The following ANKS1B variants were observed in gnomAD, a reference collection of about 807,000 sequenced individuals.
ANKS1B encodes ankyrin repeat and sterile alpha motif domain containing 1B.
In ANKS1B, 36 loss-of-function variants were observed where a neutral mutation model predicts 148.3. The ratio of observed to expected loss-of-function variants is 0.24; its 90% CI spans 0.19 to 0.32. ANKS1B has a LOEUF of 0.32. Ranked by LOEUF, ANKS1B falls within the 10% of genes least tolerant of loss-of-function variation. The probability of loss-of-function intolerance (pLI) is 1.00; values close to 1 mark genes in which losing one functional copy is unlikely to be tolerated. For missense variants in ANKS1B, 1,157 were observed against 1,542.6 expected (o/e 0.75, Z 4.19); for synonymous variants, 542 against 560.8 (o/e 0.97, Z 0.47).
At chr12:99,411,257 T>C (rs1328295962) in intron 11 of ANKS1B, among the ~76,000 whole-genome samples, 1 of 152,222 alleles carries the variant, frequency 6.6e-6, no homozygotes, top group East Asian at 1.9e-4. Context: ...TTTATGTCTG[T>C]GTGTACCCAA....
chr12:99,932,391 A>T (rs1269996666), intron 1 of ANKS1B, among the ~76,000 whole-genome samples: 2 of 152,174 alleles, frequency 1.3e-5, no homozygotes, highest in Admixed American at 1.3e-4. Flanking sequence ...ATTCCCACCA[A>T]CAGCATACAA....
intron 1 of ANKS1B, among the ~76,000 whole-genome samples, chr12:99,839,881 T>C (rs76300881): frequency 0.024 from 3,632 of 152,266 alleles, 148 homozygotes; most frequent in African/African-American, 0.082. Flanking sequence ...CTATTCCACA[T>C]GAAGTCTTAT....
At chr12:99,931,376 G>A (rs546643291) in intron 1 of ANKS1B, among the ~76,000 whole-genome samples, 27 of 151,976 alleles carry the variant, frequency 1.8e-4, no homozygotes, top group African/African-American at 6.5e-4. Flanking sequence ...GAATGACAGA[G>A]GGATTACCAA....
intron 17 of ANKS1B, among the ~76,000 whole-genome samples, chr12:99,052,724 G>C (rs2099966977): frequency 2.6e-5 from 2 of 75,852 alleles, no homozygotes; most frequent in East Asian, 4.1e-4. Context: ...GACAGAGCGA[G>C]ACTCCGTCTC....
At chr12:99,272,921 T>G (rs1056157995) in intron 12 of ANKS1B, among the ~76,000 whole-genome samples, 23 of 152,236 alleles carry the variant, frequency 1.5e-4, no homozygotes, top group African/African-American at 5.5e-4. Context: ...GTGCTATTAC[T>G]GACCCTACCA....
chr12:98,945,434 G>T (rs769582806), intron 17 of ANKS1B, among the ~76,000 whole-genome samples: 1 of 146,354 alleles, frequency 6.8e-6, no homozygotes, highest in African/African-American at 2.6e-5. Context: ...GGTGGAGTTT[G>T]CAGTGAGCTG....
At chr12:98,997,958 G>T (rs1203410557) in intron 17 of ANKS1B, among the ~76,000 whole-genome samples, 1 of 152,152 alleles carries the variant, frequency 6.6e-6, no homozygotes, top group African/African-American at 2.4e-5. Flanking sequence ...AAAACCAGCA[G>T]TCATTTTAAT....
At chr12:99,327,359 A>ATATAATTATATAT (rs2086642106) in intron 12 of ANKS1B, among the ~76,000 whole-genome samples, 23 of 117,564 alleles carry the variant, frequency 2.0e-4, no homozygotes, top group African/African-American at 8.8e-4. Context: ...TACATATTAT[A>ATATAATTATATAT]TATAATTACA....
At chr12:99,203,179 C>A (rs966554155) in intron 14 of ANKS1B, among the ~76,000 whole-genome samples, 3 of 152,292 alleles carry the variant, frequency 2.0e-5, no homozygotes, top group South Asian at 4.1e-4. Flanking sequence ...TGCATTAGAT[C>A]TTTAGATTGA....
intron 14 of ANKS1B, among the ~76,000 whole-genome samples, chr12:99,227,577 G>C (rs1385953959): frequency 6.6e-6 from 1 of 152,188 alleles, no homozygotes; most frequent in East Asian, 1.9e-4. Context: ...AGCCAAGTCA[G>C]TGGGCAAGAA....
At chr12:98,749,411 A>G (rs369856127) in intron 26 of ANKS1B, among the ~76,000 whole-genome samples, 2 of 152,030 alleles carry the variant, frequency 1.3e-5, no homozygotes, top group South Asian at 4.2e-4. Context: ...CCGGCCCAAA[A>G]CTTAGATTTT....
chr12:98,800,054 G>A (rs780150390), intron 21 of ANKS1B, among the ~76,000 whole-genome samples: 8 of 152,076 alleles, frequency 5.3e-5, no homozygotes, highest in East Asian at 1.9e-4. Context: ...AGCAGAAGGC[G>A]TGGTCAGGGC....
At chr12:99,743,982 C>G (rs909753313) in intron 8 of ANKS1B, among the ~76,000 whole-genome samples, 1 of 152,020 alleles carries the variant, frequency 6.6e-6, no homozygotes, top group Non-Finnish European at 1.5e-5. Flanking sequence ...ATGGTGATAC[C>G]AGAAAGATAT....
chr12:98,937,391 T>C (rs1400660758), intron 17 of ANKS1B, among the ~76,000 whole-genome samples: 3 of 152,106 alleles, frequency 2.0e-5, no homozygotes, highest in Non-Finnish European at 4.4e-5. Context: ...GTATGGCATT[T>C]ATGTCCTCTG....
chr12:99,703,576 T>C (rs745524519), intron 8 of ANKS1B, among the ~76,000 whole-genome samples: 1 of 152,114 alleles, frequency 6.6e-6, no homozygotes, highest in Non-Finnish European at 1.5e-5. Context: ...TCATGTGTCA[T>C]AATCCTCTTC....
intron 14 of ANKS1B, among the ~76,000 whole-genome samples, chr12:99,236,481 C>T (rs1170501863): frequency 6.6e-6 from 1 of 152,182 alleles, no homozygotes; most frequent in Non-Finnish European, 1.5e-5. Flanking sequence ...TTGCCACACT[C>T]TAAGACCATC....
intron 10 of ANKS1B, among the ~76,000 whole-genome samples, chr12:99,480,408 G>C (rs1250089898): frequency 1.3e-5 from 2 of 151,736 alleles, no homozygotes; most frequent in African/African-American, 4.8e-5. Context: ...TGTTTTAAAA[G>C]TCAAAAAATC....
rs76872242 is a variant in ANKS1B, at chr12:98,905,918, C to T, written c.2779-73782G>A. Among the ~76,000 whole-genome samples, 4 of 152,226 alleles carry T rather than the reference C, an allele frequency of 2.6e-5. No individual in the cohort carries two copies. In the East Asian group the frequency reaches 7.7e-4, roughly 29 times the overall value. ...TTTCTAGTGAACCCTGGGATAAGGT[C>T]TATGGTGCAGTGCTGTGAAAATTCA... On this transcript the variant is annotated intron_variant, in intron 17 of 26. Transcript: ENST00000683438.
chr12:98,948,234 C>T (rs2099848414), intron 17 of ANKS1B, among the ~76,000 whole-genome samples: 1 of 152,144 alleles, frequency 6.6e-6, no homozygotes, highest in African/African-American at 2.4e-5. Context: ...GGACTCCTGC[C>T]ATTTATTCTT....
Sources: gnomAD v4.1 joint callset for allele counts (sites outside exome capture counted in the v4.1 genomes callset) on GRCh38, gnomAD v4.1.1 for gene constraint, MANE v1.5 for transcripts, NCBI Gene and HGNC (gene_info 2026-07-23, HGNC 2026-07-21) for gene names.